SLC12A7: variants seen among roughly 807,000 people sequenced by gnomAD.
SLC12A7 encodes the protein solute carrier family 12 member 7, also known as K-Cl cotransporter 4.
SLC12A7 carries 100 observed loss-of-function variants against 120.6 expected under a neutral mutation model. The ratio of observed to expected loss-of-function variants is 0.83; its 90% CI spans 0.71 to 0.98. The LOEUF is 0.98. Among genes scored for constraint, SLC12A7 ranks in the 50% least tolerant of loss-of-function variants. The pLI is 0.00. For synonymous variants in SLC12A7, 760 were observed against 678.0 expected, an observed-to-expected ratio of 1.12 and a Z score of -1.88; for missense variants, 1,373 against 1,548.1, an observed-to-expected ratio of 0.89 and a Z score of 1.90.
chr5:1,145,694 G>A, the SLC12A7 span, among the ~76,000 whole-genome samples: 1 of 152,106 alleles, frequency 6.6e-6, no homozygotes. This position sits in a 1 kb window ranked among gnomAD's most constrained non-coding sequence, Gnocchi z 4.4. Flanking sequence ...GCCTGCCTAG[G>A]TGTGAATTGA....
the SLC12A7 span, among the ~76,000 whole-genome samples, chr5:1,130,344 C>T: frequency 6.6e-6 from 1 of 152,154 alleles, no homozygotes; most frequent in Admixed American, 6.5e-5. Context: ...CCAGCGAGGA[C>T]AGGAGGACCC....
chr5:1,122,985 C>G, the SLC12A7 span, among the ~76,000 whole-genome samples: 1 of 152,258 alleles, frequency 6.6e-6, no homozygotes, highest in African/African-American at 2.4e-5. Flanking sequence ...TGCCTGGGGG[C>G]GCGGGGCCTG....
the SLC12A7 span, among the ~76,000 whole-genome samples, chr5:1,136,726 C>T: frequency 4.9e-5 from 7 of 141,604 alleles, no homozygotes; most frequent in South Asian, 9.6e-4. Flanking sequence ...CGCAGGCACA[C>T]GTGTGCTCAG....
chr5:1,109,579 G>T (rs1742834970), intron 1 of SLC12A7, among the ~76,000 whole-genome samples: 1 of 152,248 alleles, frequency 6.6e-6, no homozygotes, highest in South Asian at 2.1e-4. Flanking sequence ...GTCGGGGACA[G>T]AAGGCCCCTG....
At position 1,065,394 on chromosome 5, in the gene SLC12A7, G is replaced by A; in HGVS notation, c.2326C>T (p.His776Tyr). 6.2e-7 allele frequency: 1 copy of A among 1,612,708 alleles called. No individual in the cohort carries two copies. The highest frequency in any genetic ancestry group is 8.5e-7 in the Non-Finnish European group (1 of 1,179,686). The change falls in exon 18 of 24, where the codon CAC becomes TAC. Residue 776 changes from histidine to tyrosine, a missense_variant. Physicochemically the swap from His to Tyr is moderately conservative, Grantham distance 83 (BLOSUM62 2). Transcript: ENST00000264930. ...VSSSLRDGMS[H>Y]LIQSAGLGGL... ...CCCAGGCCGGCCGACTGGATCAGGT[G>A]GGACATGCCATCCCGCAGGCTGGAC... is the stretch of plus-strand genomic sequence containing the variant.
chr5:1,074,430 C>T, intron 16 of SLC12A7, 137 bp downstream of exon 16: 1 of 728,952 alleles, frequency 1.4e-6, no homozygotes. Context: ...CTGCACCAGG[C>T]AGTGTTCACA....
intron 21 of SLC12A7, 136 bp downstream of exon 21, chr5:1,060,208 T>C: frequency 1.5e-6 from 1 of 676,110 alleles, no homozygotes; most frequent in South Asian, 1.8e-5. Flanking sequence ...GGCTGGGGGC[T>C]GAGCCTGCGA....
At chr5:1,133,130 GGT>G in the SLC12A7 span, among the ~76,000 whole-genome samples, 3 of 152,148 alleles carry the variant, frequency 2.0e-5, no homozygotes, top group Non-Finnish European at 2.9e-5. Flanking sequence ...TGGCCAGGCT[GGT>G]CTCGAACTCC....
chr5:1,057,790 G>T, intron 21 of SLC12A7, 141 bp from the exon 22 acceptor site: 1 of 763,336 alleles, frequency 1.3e-6, no homozygotes, highest in Non-Finnish European at 2.1e-6. Context: ...CCAGCCTGGC[G>T]TCCCACACTG....
chr5:1,075,405 C>A lies in SLC12A7; in HGVS notation c.1933G>T (p.Ala645Ser), dbSNP rs753327979. The change falls in exon 15 of 24, where the codon GCT becomes TCT. Residue 645 changes from alanine (A) to serine (S), a missense_variant. Physicochemically the swap from Ala to Ser is moderately conservative, Grantham distance 99 (BLOSUM62 1). Transcript: ENST00000264930. ...WYYALSAMLIAGCIYKYIEYR... is the reference protein window; with the variant it reads ...WYYALSAMLISGCIYKYIEYR... ...TCGATGTACTTGTAGATGCAGCCAG[C>A]GATGAGCATGGCGGACAGCGCGTAG... is the stretch of plus-strand genomic sequence containing the variant. The A allele has an allele frequency of 6.8e-6, 11 of 1,612,176 alleles. No homozygotes were observed. Among genetic ancestry groups the A allele is most frequent in the Non-Finnish European group, 9.3e-6 (11 of 1,179,472 alleles).
chr5:1,063,963 A>C lies in SLC12A7; in HGVS notation c.2620T>G (p.Cys874Gly). Residue 874 changes from cysteine (C) to glycine (G), a missense_variant, in exon 20 of 24, where the codon TGC (cysteine) becomes GGC (glycine). Cys to Gly is a radical substitution (Grantham distance 159, BLOSUM62 -3). Transcript: ENST00000264930. ...LLRQHKVWRK[C>G]RMRIFTVAQV... Reference sequence around the variant, plus strand: ...GCCACGGTGAAGATACGCATCCGGCACTTCCTCCACACCTGCAGACAGGGA... The same window carrying C: ...GCCACGGTGAAGATACGCATCCGGCCCTTCCTCCACACCTGCAGACAGGGA... The C allele has an allele frequency of 1.2e-6, 2 of 1,612,308 alleles. No individual in the cohort carries two copies. Among genetic ancestry groups the C allele is most frequent in the Non-Finnish European group, 1.7e-6 (2 of 1,179,724 alleles).
intron 22 of SLC12A7, among the ~76,000 whole-genome samples, chr5:1,056,351 G>C (rs1344056079): frequency 6.6e-6 from 1 of 152,178 alleles, no homozygotes; most frequent in Non-Finnish European, 1.5e-5. Flanking sequence ...AGAGGCTTCA[G>C]GCGTGTGCTG....
chr5:1,108,488 G>A (rs1022656226), intron 1 of SLC12A7, among the ~76,000 whole-genome samples: 2 of 152,172 alleles, frequency 1.3e-5, no homozygotes, highest in Non-Finnish European at 2.9e-5. Flanking sequence ...GCACAGCCGC[G>A]GGGTCAACAG....
chr5:1,116,804 G>A (rs965351861), upstream of SLC12A7, among the ~76,000 whole-genome samples: 1 of 151,708 alleles, frequency 6.6e-6, no homozygotes, highest in African/African-American at 2.4e-5. Flanking sequence ...CCCCCCGCCA[G>A]CTCTCGTTCC....
At chr5:1,122,885 T>C in the SLC12A7 span, among the ~76,000 whole-genome samples, 2 of 152,250 alleles carry the variant, frequency 1.3e-5, no homozygotes, top group African/African-American at 2.4e-5. Context: ...GGTATGTATC[T>C]AAGTAAAAAT....
At chr5:1,077,298 C>A (rs181084360) in intron 12 of SLC12A7, among the ~76,000 whole-genome samples, 1 of 152,230 alleles carries the variant, frequency 6.6e-6, no homozygotes, top group African/African-American at 2.4e-5. Flanking sequence ...GGACCAGCGA[C>A]GGGCAAGGAT....
chr5:1,062,725 G>A (rs867951431), intron 20 of SLC12A7, among the ~76,000 whole-genome samples: 3 of 151,532 alleles, frequency 2.0e-5, no homozygotes, highest in East Asian at 3.9e-4. Context: ...GGGGGGCTGC[G>A]GGGCTGGAGA....
the SLC12A7 span, among the ~76,000 whole-genome samples, chr5:1,140,459 G>A: frequency 5.9e-5 from 9 of 151,814 alleles, no homozygotes; most frequent in Admixed American, 2.6e-4. Context: ...CCAGCGAGGC[G>A]GTGCTCCCTG....
chr5:1,115,469 G>A (rs943356825), upstream of SLC12A7, among the ~76,000 whole-genome samples: 4 of 152,202 alleles, frequency 2.6e-5, no homozygotes, highest in African/African-American at 9.6e-5. Flanking sequence ...TTCTCCCCAG[G>A]TCCGCGGGTC....
Sources: allele counts gnomAD v4.1 joint callset (sites outside exome capture counted in the v4.1 genomes callset), GRCh38; gene constraint gnomAD v4.1.1; non-coding constraint Gnocchi (gnomAD v3.1); transcripts MANE v1.5; gene names NCBI Gene and HGNC (gene_info 2026-07-23, HGNC 2026-07-21).